Variants in WHRN observed in about 807,000 individuals in gnomAD.
WHRN encodes the protein whirlin, also known as CASK-interacting protein CIP98.
A neutral mutation model predicts 68.3 loss-of-function variants in WHRN; 41 were observed. The ratio of observed to expected loss-of-function variants is 0.60; its 90% CI spans 0.47 to 0.78. The LOEUF is 0.78. Among genes scored for constraint, WHRN ranks in the 30% least tolerant of loss-of-function variants. The pLI is 0.00. For missense variants in WHRN, 1,243 were observed against 1,244.7 expected, an observed-to-expected ratio of 1.00 and a Z score of 0.02; for synonymous variants, 560 against 561.3, an observed-to-expected ratio of 1.00 and a Z score of 0.03.
At chr9:114,492,431 G>A (rs972425757) in intron 1 of WHRN, among the ~76,000 whole-genome samples, 4 of 152,182 alleles carry the variant, frequency 2.6e-5, no homozygotes, top group Non-Finnish European at 5.9e-5. Flanking sequence ...GATATATTAT[G>A]CAATCATTAA....
intron 2 of WHRN, among the ~76,000 whole-genome samples, chr9:114,476,066 G>A (rs891981166): frequency 1.3e-5 from 2 of 152,102 alleles, no homozygotes; most frequent in Admixed American, 1.3e-4. Flanking sequence ...CTGGGCTCAG[G>A]TGATCCTCCC....
intron 3 of WHRN, among the ~76,000 whole-genome samples, chr9:114,448,144 G>A (rs1838997550): frequency 6.6e-6 from 1 of 152,154 alleles, no homozygotes; most frequent in African/African-American, 2.4e-5. Flanking sequence ...GTGTCATTAA[G>A]TTAAGGATCT....
At chr9:114,439,449 T>C (rs1838177946) in intron 3 of WHRN, among the ~76,000 whole-genome samples, 1 of 152,210 alleles carries the variant, frequency 6.6e-6, no homozygotes, top group South Asian at 2.1e-4. Context: ...TTGTGTCTTG[T>C]AAAATTGGGC....
chr9:114,402,346 G>A lies in WHRN; in HGVS notation c.*408C>T, dbSNP rs936585420. The A allele has an allele frequency of 2.7e-5, 7 of 260,842 alleles. No homozygotes were observed. The highest frequency in any genetic ancestry group is 1.1e-4 in the African/African-American group (5 of 45,604). 16.2% of individuals were successfully genotyped at this position (260,842 alleles called of 1,614,324 possible). On this transcript the variant is annotated 3_prime_UTR_variant, in exon 12 of 12. Coordinates refer to ENST00000362057, the MANE Select transcript of WHRN (RefSeq NM_015404.4). ...AGGTCTTGCAAGATGCCCCCTGACTGGGGGCCGTGTCCATGAATTCTCGAG... is the reference window on the plus strand; with the variant it reads ...AGGTCTTGCAAGATGCCCCCTGACTAGGGGCCGTGTCCATGAATTCTCGAG...
chr9:114,460,812 G>A (rs929159835), intron 3 of WHRN, among the ~76,000 whole-genome samples: 2 of 152,230 alleles, frequency 1.3e-5, no homozygotes, highest in Admixed American at 1.3e-4. Context: ...GGGAAGCTCT[G>A]CACAGCAGCA....
chr9:114,485,562 G>T (rs1842412567), intron 1 of WHRN, among the ~76,000 whole-genome samples: 1 of 152,076 alleles, frequency 6.6e-6, no homozygotes, highest in Admixed American at 6.5e-5. Flanking sequence ...CATGGTGGCG[G>T]GTGGCTGTAA....
At chr9:114,409,400 A>G (rs2132232381) in intron 7 of WHRN, among the ~76,000 whole-genome samples, 1 of 152,324 alleles carries the variant, frequency 6.6e-6, no homozygotes, top group Non-Finnish European at 1.5e-5. Flanking sequence ...TTCCTGGAGG[A>G]CGGGGCACAA....
intron 2 of WHRN, among the ~76,000 whole-genome samples, chr9:114,473,541 C>T (rs549288372): frequency 6.6e-6 from 1 of 152,326 alleles, no homozygotes; most frequent in African/African-American, 2.4e-5. Flanking sequence ...GGAATAATGA[C>T]ACTATCTGTA....
intron 3 of WHRN, among the ~76,000 whole-genome samples, chr9:114,431,655 C>T (rs1005260509): frequency 6.6e-6 from 1 of 152,236 alleles, no homozygotes; most frequent in Admixed American, 6.5e-5. Context: ...CTTACTCTCA[C>T]TCTTTCCCAA....
In WHRN at chr9:114,425,059, T is replaced by C. The variant is rs757837176; in HGVS notation, c.1167-35A>G. The stretch of plus-strand genomic sequence containing the variant: ...AAGACACACATCTCCAGTTGTGCAT[T>C]TGAGCAGATCAAATGGGCGTGGGCA... On this transcript the variant is annotated intron_variant, in intron 4 of 11. Transcript: ENST00000362057. The C allele has an allele frequency of 8.7e-6, 14 of 1,612,756 alleles. No homozygotes were observed. In the Admixed American group the frequency reaches 2.0e-4, roughly 23 times the overall value.
chr9:114,480,085 A>T (rs564683507), intron 1 of WHRN, among the ~76,000 whole-genome samples: 17 of 136,826 alleles, frequency 1.2e-4, no homozygotes, highest in African/African-American at 3.6e-4. Context: ...ATAATTAATT[A>T]AAAAAAAAGA....
At chr9:114,422,151 C>A (rs188518260) in intron 7 of WHRN, among the ~76,000 whole-genome samples, 148 of 152,320 alleles carry the variant, frequency 9.7e-4, no homozygotes, top group African/African-American at 3.4e-3. Context: ...TCCCACTTAA[C>A]AAGACAGCTA....
At chr9:114,414,949 C>G (rs777955882) in intron 7 of WHRN, among the ~76,000 whole-genome samples, 1 of 152,096 alleles carries the variant, frequency 6.6e-6, no homozygotes, top group East Asian at 1.9e-4. Flanking sequence ...CCTGGTCACC[C>G]GCATCCACCT....
intron 2 of WHRN, 145 bp from the exon 3 acceptor site, chr9:114,466,537 C>G (rs1207943971): frequency 8.4e-7 from 1 of 1,184,708 alleles, no homozygotes; most frequent in Admixed American, 1.9e-5. Context: ...GGAAGATACC[C>G]TAGAACATTC....
chr9:114,463,343 C>T (rs779993966), intron 3 of WHRN, among the ~76,000 whole-genome samples: 1 of 152,168 alleles, frequency 6.6e-6, no homozygotes, highest in African/African-American at 2.4e-5. Context: ...TTCCTCTGCC[C>T]CCATTTTCCT....
intron 3 of WHRN, among the ~76,000 whole-genome samples, chr9:114,438,546 G>C (rs868432541): frequency 6.7e-6 from 1 of 148,672 alleles, no homozygotes; most frequent in Non-Finnish European, 1.5e-5. Context: ...TCTGCCTCCC[G>C]TGTTCACACC....
At chr9:114,469,561 C>T (rs867528852) in intron 2 of WHRN, among the ~76,000 whole-genome samples, 2 of 152,134 alleles carry the variant, frequency 1.3e-5, no homozygotes, top group African/African-American at 4.8e-5. Context: ...TGGCTGATGG[C>T]GGTGGGTAAA....
intron 7 of WHRN, among the ~76,000 whole-genome samples, chr9:114,410,002 C>T (rs1835316704): frequency 6.6e-6 from 1 of 152,082 alleles, no homozygotes; most frequent in East Asian, 1.9e-4. Context: ...CATGACCGGG[C>T]CCTTTCCTGC....
At chr9:114,450,826 TCCCC>T (rs386415963) in intron 3 of WHRN, among the ~76,000 whole-genome samples, 11 of 141,500 alleles carry the variant, frequency 7.8e-5, no homozygotes, top group Non-Finnish European at 1.6e-4. Flanking sequence ...ATTATTAGTT[TCCCC>T]CCCCGCAAAA....
Sources: allele counts gnomAD v4.1 joint callset (sites outside exome capture counted in the v4.1 genomes callset), GRCh38; gene constraint gnomAD v4.1.1; transcripts MANE v1.5; gene names NCBI Gene and HGNC (gene_info 2026-07-23, HGNC 2026-07-21).